CCDC171: variants seen among roughly 807,000 people sequenced by gnomAD.
CCDC171 encodes the protein coiled-coil domain-containing protein 171.
Under a neutral mutation model 168.2 loss-of-function variants are expected in CCDC171, and 177 were observed. The ratio of observed to expected loss-of-function variants is 1.05; its 90% CI spans 0.93 to 1.19. CCDC171 has a LOEUF of 1.19. Ranked by LOEUF, CCDC171 falls within the 50% of genes most tolerant of loss-of-function variation. The pLI is 0.00. For missense variants in CCDC171, 1,991 were observed against 1,539.0 expected (o/e 1.29, Z -4.91); for synonymous variants, 687 against 540.8 (o/e 1.27, Z -3.75).
In CCDC171 at chr9:15,568,923, T is replaced by C. The variant is rs1159422937; in HGVS notation, c.42-2701T>C. Reference sequence around the variant, plus strand: ...TAATTAGATCCCATTGGTCAATTTTTGCTTTTGTTGTGATTGCTTTAGGCA... The same window carrying C: ...TAATTAGATCCCATTGGTCAATTTTCGCTTTTGTTGTGATTGCTTTAGGCA... On this transcript the variant is annotated intron_variant, in intron 2 of 25. Transcript: ENST00000380701. Among the ~76,000 whole-genome samples the C allele has an allele frequency of 2.0e-5, 3 of 152,248 alleles. No individual in the cohort carries two copies. In the East Asian group the frequency reaches 5.8e-4, roughly 29 times the overall value.
intron 7 of CCDC171, among the ~76,000 whole-genome samples, chr9:15,649,927 C>G (rs2047370917): frequency 6.6e-6 from 1 of 152,184 alleles, no homozygotes; most frequent in African/African-American, 2.4e-5. Flanking sequence ...ATAAATCATG[C>G]TGCTATAAAG....
At chr9:16,045,861 C>G (rs1235376328) in intron 1 of CCDC171, among the ~76,000 whole-genome samples, 3 of 152,198 alleles carry the variant, frequency 2.0e-5, no homozygotes, top group Non-Finnish European at 4.4e-5. Context: ...AAAATCCTCT[C>G]TAAGAAAAGG....
chr9:15,689,656 A>G (rs1343749493), intron 10 of CCDC171, among the ~76,000 whole-genome samples: 6 of 152,216 alleles, frequency 3.9e-5, no homozygotes, highest in Non-Finnish European at 7.3e-5. Flanking sequence ...GGTTGCAGTG[A>G]GCCAAGATCA....
At chr9:15,901,243 A>G (rs1191351471) in intron 24 of CCDC171, among the ~76,000 whole-genome samples, 2 of 152,148 alleles carry the variant, frequency 1.3e-5, no homozygotes, top group Non-Finnish European at 2.9e-5. Context: ...CAGTGAGTCT[A>G]TTTTGTGTGA....
the CCDC171 span, among the ~76,000 whole-genome samples, chr9:16,071,753 G>A: frequency 1.3e-5 from 2 of 152,060 alleles, no homozygotes; most frequent in African/African-American, 4.8e-5. Flanking sequence ...TCATCCACCA[G>A]GTCTTCAAAC....
chr9:15,617,048 G>C (rs1412557305), intron 6 of CCDC171, among the ~76,000 whole-genome samples: 2 of 152,166 alleles, frequency 1.3e-5, no homozygotes, highest in Non-Finnish European at 2.9e-5. Context: ...TGGAATTTAT[G>C]TTCCTCTCTA....
At chr9:15,729,061 G>C (rs761437952) in intron 15 of CCDC171, among the ~76,000 whole-genome samples, 105 of 152,068 alleles carry the variant, frequency 6.9e-4, no homozygotes, top group Non-Finnish European at 1.3e-3. Context: ...GAAAATTAAA[G>C]ATAATTAAAA....
the CCDC171 span, among the ~76,000 whole-genome samples, chr9:16,104,709 C>T: frequency 1.3e-5 from 2 of 151,700 alleles, no homozygotes; most frequent in Non-Finnish European, 2.9e-5. Flanking sequence ...TTCACCCAAG[C>T]CTTCATTTAA....
At chr9:15,554,348 C>T (rs1279478261) in intron 1 of CCDC171, among the ~76,000 whole-genome samples, 1 of 152,174 alleles carries the variant, frequency 6.6e-6, no homozygotes, top group African/African-American at 2.4e-5. Context: ...ACTGTTAGTT[C>T]CTACTCTCAA....
the CCDC171 span, among the ~76,000 whole-genome samples, chr9:16,088,510 A>T: frequency 1.3e-5 from 2 of 152,256 alleles, no homozygotes; most frequent in Non-Finnish European, 2.9e-5. Context: ...CTGATAAGCA[A>T]CTTCAGCAAA....
At position 15,792,758 on chromosome 9, in the gene CCDC171, T is replaced by C. The variant is rs1035250660; in HGVS notation, c.3267+8064T>C. Among the ~76,000 whole-genome samples the C allele has an allele frequency of 2.7e-3, 408 of 152,086 alleles. 1 individual carries two copies. Among genetic ancestry groups the C allele is most frequent in the Admixed American group, 0.02 (308 of 15,268 alleles). On this transcript the variant is annotated intron_variant, in intron 21 of 25. Transcript: ENST00000380701. Reference sequence around the variant, plus strand: ...AGCGAAGGAGAAATAAAATCCTTTATAGACAAGCAAATGCTGACAGATTTT... The same window carrying C: ...AGCGAAGGAGAAATAAAATCCTTTACAGACAAGCAAATGCTGACAGATTTT...
At chr9:15,675,048 A>G (rs1371150615) in intron 9 of CCDC171, among the ~76,000 whole-genome samples, 1 of 152,114 alleles carries the variant, frequency 6.6e-6, no homozygotes, top group Non-Finnish European at 1.5e-5. Context: ...GTGCTCCTGT[A>G]TTGGGCGAAT....
chr9:16,055,364 T>C (rs1339783755), intron 1 of CCDC171, among the ~76,000 whole-genome samples: 2 of 152,090 alleles, frequency 1.3e-5, no homozygotes, highest in Admixed American at 6.5e-5. Flanking sequence ...AGCCACAGGC[T>C]GGCTGAGCTG....
intron 24 of CCDC171, among the ~76,000 whole-genome samples, chr9:15,896,786 G>T (rs905938972): frequency 6.6e-6 from 1 of 151,948 alleles, no homozygotes; most frequent in Non-Finnish European, 1.5e-5. Context: ...AATTTTAACT[G>T]AACAGTGGTG....
chr9:15,980,355 A>C (rs1436873915), intron 3 of CCDC171, among the ~76,000 whole-genome samples: 1 of 152,162 alleles, frequency 6.6e-6, no homozygotes, highest in Admixed American at 6.5e-5. Flanking sequence ...CTTAAGTTGG[A>C]CTCAAGTCAG....
At chr9:15,566,974 T>A (rs1216394478) in intron 2 of CCDC171, among the ~76,000 whole-genome samples, 1 of 151,974 alleles carries the variant, frequency 6.6e-6, no homozygotes, top group Non-Finnish European at 1.5e-5. Flanking sequence ...CTTAACTATT[T>A]AAGTATAGGT....
At chr9:15,953,807 G>C (rs1829470470) in intron 25 of CCDC171, among the ~76,000 whole-genome samples, 2 of 151,968 alleles carry the variant, frequency 1.3e-5, no homozygotes, top group South Asian at 4.1e-4. Context: ...TTGGTCCTAG[G>C]CTTCTCTTGT....
At chr9:15,706,603 G>C (rs2052255970) in intron 11 of CCDC171, among the ~76,000 whole-genome samples, 1 of 152,128 alleles carries the variant, frequency 6.6e-6, no homozygotes, top group South Asian at 2.1e-4. Context: ...TAGTATTTTT[G>C]CTGTGAGTAT....
downstream of CCDC171, among the ~76,000 whole-genome samples, chr9:16,063,042 G>A (rs1833953479): frequency 6.6e-6 from 1 of 152,146 alleles, no homozygotes; most frequent in Non-Finnish European, 1.5e-5. Flanking sequence ...CCGTGTTACC[G>A]ACACCTGGTA....
Sources: allele counts gnomAD v4.1 joint callset (sites outside exome capture counted in the v4.1 genomes callset), GRCh38; gene constraint gnomAD v4.1.1; transcripts MANE v1.5; gene names NCBI Gene and HGNC (gene_info 2026-07-23, HGNC 2026-07-21).